Variants in TMOD1 observed in about 807,000 individuals in gnomAD.
TMOD1 encodes tropomodulin 1.
Under a neutral mutation model 40.6 loss-of-function variants are expected in TMOD1, and 17 were observed. The observed-to-expected ratio is 0.42, with a 90% confidence interval of 0.29 to 0.63. The LOEUF is 0.63. Among genes scored for constraint, TMOD1 ranks in the 20% least tolerant of loss-of-function variants. TMOD1 has a pLI of 0.22. For missense variants in TMOD1, 391 were observed against 447.6 expected (o/e 0.87, Z 1.14); for synonymous variants, 181 against 175.0 (o/e 1.03, Z -0.27).
rs1830317767 is a variant in TMOD1 at position 97,544,068 on chromosome 9, C to T, written c.121-2117C>T. ...TGTGGCCTAAATCTCTCTGCAAGTA[C>T]ACCAGCACCACCTGCCAAGCCCATT... On this transcript the variant is annotated intron_variant, in intron 2 of 9. Coordinates refer to ENST00000259365, the MANE Select transcript of TMOD1 (RefSeq NM_003275.4). Among the ~76,000 whole-genome samples the T allele has an allele frequency of 4.6e-5, 7 of 152,196 alleles. No individual in the cohort carries two copies. In the South Asian group the frequency reaches 1.4e-3, roughly 32 times the overall value.
Position 97,546,288 on chromosome 9 carries a change from C to G in TMOD1, c.224C>G (p.Ala75Gly). ...CTCTTGGATCACTTGGAAAAGCAAG[C>G]AAAGGAGTTTAAGGACCGAGAAGAT... ...EELLDHLEKQ[A>G]KEFKDREDLV... Residue 75 changes from alanine to glycine, a missense_variant, in exon 3 of 10, where the codon GCA becomes GGA. Physicochemically the swap from Ala to Gly is moderately conservative, Grantham distance 60. Coordinates refer to ENST00000259365, the MANE Select transcript of TMOD1 (RefSeq NM_003275.4). The G allele has an allele frequency of 6.2e-7, 1 of 1,614,084 alleles. No homozygotes were observed. The highest frequency in any genetic ancestry group is 8.5e-7 in the Non-Finnish European group (1 of 1,180,014).
chr9:97,563,332 C>T (rs1313219878), intron 5 of TMOD1, among the ~76,000 whole-genome samples: 1 of 152,222 alleles, frequency 6.6e-6, no homozygotes, highest in Non-Finnish European at 1.5e-5. Context: ...GGATTACAGG[C>T]ATGAGCCACC....
chr9:97,564,076 G>C lies in TMOD1; in HGVS notation c.526G>C (p.Glu176Gln). 1 of 1,614,168 alleles carries C rather than the reference G, an allele frequency of 6.2e-7. No homozygotes were observed. The highest frequency in any genetic ancestry group is 8.5e-7 in the Non-Finnish European group (1 of 1,180,038). The change falls in exon 6 of 10, where the codon GAA becomes CAA. Residue 176 changes from glutamate to glutamine, a missense_variant. Glu to Gln is a conservative substitution (Grantham distance 29, BLOSUM62 2). Coordinates refer to ENST00000259365, the MANE Select transcript of TMOD1 (RefSeq NM_003275.4). ...KPTQYKPVPD[E>Q]EPNSTDVEET... is the part of the protein sequence containing the mutation. The stretch of plus-strand genomic sequence containing the variant: ...CACACAATACAAGCCTGTGCCCGAC[G>C]AAGAACCAAATTCAACAGACGTAGA...
intron 8 of TMOD1, among the ~76,000 whole-genome samples, chr9:97,586,729 C>T (rs576812108): frequency 3.3e-5 from 5 of 151,962 alleles, no homozygotes; most frequent in East Asian, 1.9e-4. Context: ...TTAAGCCCGT[C>T]GGAAAAGCGC....
rs1280568473 is a variant in TMOD1, at chr9:97,559,821, ATATGTCTATCTATCTATC to A, written c.398-2907_398-2890del. Reference sequence around the variant, plus strand: ...TATATATATATATATATATATATATATATGTCTATCTATCTATCTATCTATCTATCTCCAGAGATTCTG... The same window carrying A: ...TATATATATATATATATATATATATATATCTATCTATCTCCAGAGATTCTG... On this transcript the variant is annotated intron_variant, in intron 4 of 9. Transcript: ENST00000259365. Among the ~76,000 whole-genome samples the A allele has an allele frequency of 4.1e-3, 108 of 26,208 alleles. 5 individuals carry two copies. The highest frequency in any genetic ancestry group is 6.9e-3 in the African/African-American group (49 of 7,104). 17.2% of individuals were successfully genotyped at this position (26,208 alleles called of 152,430 possible).
At chr9:97,597,301 C>T (rs1185203424) in intron 9 of TMOD1, among the ~76,000 whole-genome samples, 1 of 152,224 alleles carries the variant, frequency 6.6e-6, no homozygotes, top group Non-Finnish European at 1.5e-5. Context: ...GAATAAGTTA[C>T]TTCCCTCTCC....
At chr9:97,555,586 T>G (rs529894830) in intron 4 of TMOD1, 1 of 1,547,602 alleles carries the variant, frequency 6.5e-7, no homozygotes, top group South Asian at 1.2e-5. Context: ...GCTGTAAGTC[T>G]ACACCAGTGT....
At chr9:97,530,991 T>TTG (rs1479236198) in intron 2 of TMOD1, among the ~76,000 whole-genome samples, 1 of 147,584 alleles carries the variant, frequency 6.8e-6, no homozygotes, top group Non-Finnish European at 1.5e-5. Context: ...TTTCACCATG[T>TTG]TGGCCAGGCT....
At chr9:97,574,321 C>T (rs1375053332) in intron 8 of TMOD1, among the ~76,000 whole-genome samples, 9 of 151,972 alleles carry the variant, frequency 5.9e-5, no homozygotes, top group Non-Finnish European at 1.3e-4. Context: ...GAGCGGCCGG[C>T]CGACCCCGCC....
At chr9:97,501,548 G>T (rs528300376), upstream of TMOD1, 1 of 147,458 alleles carries the variant, frequency 6.8e-6, no homozygotes, top group African/African-American at 2.5e-5. Flanking sequence ...CCCGAGTGGA[G>T]GGGGGGGGAA....
At chr9:97,546,047 C>T (rs1830354983) in intron 2 of TMOD1, 138 bp from the exon 3 acceptor site, 1 of 1,032,324 alleles carries the variant, frequency 9.7e-7, no homozygotes, top group Non-Finnish European at 1.4e-6. Flanking sequence ...CGAGGAACAC[C>T]ATGGATTCCA....
chr9:97,587,183 G>C (rs1348230125), intron 8 of TMOD1, among the ~76,000 whole-genome samples: 1 of 152,190 alleles, frequency 6.6e-6, no homozygotes, highest in African/African-American at 2.4e-5. Context: ...TTGTTTCCAG[G>C]TTTGTCTATT....
rs71369515 is a variant in TMOD1 at position 97,524,497 on chromosome 9, G to GGTGTGTGTGTGTGTGTGT, written c.120+196_120+213dup. Among the ~76,000 whole-genome samples the GGTGTGTGTGTGTGTGTGT allele has an allele frequency of 1.6e-3, 234 of 143,008 alleles. 2 individuals carry two copies. The highest frequency in any genetic ancestry group is 4.8e-3 in the African/African-American group (178 of 37,190). The allele number at this position is 143,008 out of a possible 152,430, so 93.8% of individuals were successfully genotyped here. On this transcript the variant is annotated intron_variant, in intron 2 of 9. Transcript: ENST00000259365. ...CTCCAGAGAAAGAGAGAACCAATAG[G>GGTGTGTGTGTGTGTGTGT]GTGTGTGTGTGTGTGTGTGTGTGTA...
At chr9:97,555,361 C>T (rs772520846) in intron 4 of TMOD1, 17 of 1,232,702 alleles carry the variant, frequency 1.4e-5, no homozygotes, top group Middle Eastern at 3.3e-4. Flanking sequence ...CCTCCAATCA[C>T]GCTTCATGAC....
chr9:97,574,173 G>C (rs1453256414), intron 8 of TMOD1, among the ~76,000 whole-genome samples: 3 of 152,126 alleles, frequency 2.0e-5, no homozygotes, highest in Non-Finnish European at 4.4e-5. Flanking sequence ...TTTCTGGGCT[G>C]GGCAAGGCCA....
At chr9:97,569,297 T>G (rs1206109897) in intron 8 of TMOD1, among the ~76,000 whole-genome samples, 1 of 152,162 alleles carries the variant, frequency 6.6e-6, no homozygotes, top group Non-Finnish European at 1.5e-5. Flanking sequence ...CATCATCACT[T>G]CCATTCTTAG....
intron 8 of TMOD1, among the ~76,000 whole-genome samples, chr9:97,573,609 C>T (rs1830855477): frequency 6.6e-6 from 1 of 152,168 alleles, no homozygotes; most frequent in South Asian, 2.1e-4. Flanking sequence ...AATCCAGGAG[C>T]AGTGTGGCTG....
chr9:97,584,550 T>G (rs1411802702), intron 8 of TMOD1, among the ~76,000 whole-genome samples: 1 of 152,144 alleles, frequency 6.6e-6, no homozygotes, highest in East Asian at 1.9e-4. Context: ...AATTCCTGGG[T>G]ATCCTTGTTG....
chr9:97,582,177 G>T (rs1370897675), intron 8 of TMOD1, among the ~76,000 whole-genome samples: 68 of 151,488 alleles, frequency 4.5e-4, no homozygotes, highest in African/African-American at 1.0e-3. Context: ...GATTTTTGTA[G>T]AAGGTGTAAG....
Sources: allele counts gnomAD v4.1 joint callset (sites outside exome capture counted in the v4.1 genomes callset), GRCh38; gene constraint gnomAD v4.1.1; transcripts MANE v1.5; gene names NCBI Gene and HGNC (gene_info 2026-07-23, HGNC 2026-07-21).